ZC3HAV1: variants seen among roughly 807,000 people sequenced by gnomAD.
ZC3HAV1 encodes the protein zinc finger CCCH-type containing, antiviral 1.
ZC3HAV1 carries 41 observed loss-of-function variants against 86.6 expected under a neutral mutation model. That is an observed-to-expected ratio of 0.47 (90% CI 0.37 to 0.61). The LOEUF is 0.61. Among genes scored for constraint, ZC3HAV1 ranks in the 20% least tolerant of loss-of-function variants. The probability of loss-of-function intolerance (pLI) is 0.00; values close to 1 mark genes in which losing one functional copy is unlikely to be tolerated. For missense variants in ZC3HAV1, 964 were observed against 1,141.1 expected (o/e 0.84, Z 2.24); for synonymous variants, 421 against 432.1 (o/e 0.97, Z 0.32).
chr7:139,083,625 G>A (rs954092197), intron 3 of ZC3HAV1, among the ~76,000 whole-genome samples, 155 bp downstream of exon 3: 2 of 151,528 alleles, frequency 1.3e-5, no homozygotes, highest in African/African-American at 2.4e-5. Flanking sequence ...TACTCGGGAG[G>A]CTGAGGCAGG....
chr7:139,081,544 A>T (rs1817128951), intron 3 of ZC3HAV1, among the ~76,000 whole-genome samples: 1 of 152,174 alleles, frequency 6.6e-6, no homozygotes, highest in South Asian at 2.1e-4. Context: ...AAAGCATTAG[A>T]TATGGGATCA....
Position 139,057,228 on chromosome 7 carries a change from C to T in ZC3HAV1, c.2097-1933G>A, listed in dbSNP as rs1045896633. Among the ~76,000 whole-genome samples the T allele has an allele frequency of 3.9e-5, 6 of 152,004 alleles. No homozygotes were observed. The South Asian group carries it at 1.2e-3, about 32-fold the overall frequency. ...TTTAAATTATCCAGGTGTGGTGGTG[C>T]ACGGCTGTAGTTGCAGCTACTCAGG... On this transcript the variant is annotated intron_variant, in intron 9 of 12. Coordinates refer to ENST00000242351, the MANE Select transcript of ZC3HAV1 (RefSeq NM_020119.4).
intron 4 of ZC3HAV1, chr7:139,079,193 G>A (rs1277645721): frequency 1.3e-6 from 2 of 1,536,294 alleles, no homozygotes; most frequent in Non-Finnish European, 1.7e-6. Context: ...CCCCCAGACT[G>A]CAGCTCTGTT....
intron 7 of ZC3HAV1, among the ~76,000 whole-genome samples, chr7:139,066,954 A>G (rs1816623031): frequency 6.6e-6 from 1 of 152,134 alleles, no homozygotes. Context: ...GTTGGGGATG[A>G]TTTAGATTCC....
chr7:139,092,268 A>G (rs1817458844), intron 1 of ZC3HAV1, among the ~76,000 whole-genome samples: 1 of 152,172 alleles, frequency 6.6e-6, no homozygotes, highest in South Asian at 2.1e-4. Flanking sequence ...GCACAAGTTA[A>G]GTCCTTGAAG....
At chr7:139,084,500 T>C (rs1817222190) in intron 2 of ZC3HAV1, among the ~76,000 whole-genome samples, 1 of 152,220 alleles carries the variant, frequency 6.6e-6, no homozygotes, top group African/African-American at 2.4e-5. Context: ...TCCATCTAAA[T>C]AGATACATGT....
Position 139,073,408 on chromosome 7 carries a change from A to G in ZC3HAV1, c.1872+448T>C, listed in dbSNP as rs568019891. On this transcript the variant is annotated intron_variant, in intron 7 of 12. Coordinates refer to ENST00000242351, the MANE Select transcript of ZC3HAV1 (RefSeq NM_020119.4). ...AATTGAATATAGCTGTGTACAAAGT[A>G]AAAAAATACCACTTCCTCTACCACA... 9.2e-5 allele frequency among the ~76,000 whole-genome samples: 14 copies of G among 152,280 alleles called. No individual in the cohort carries two copies. In the South Asian group the frequency reaches 2.9e-3, roughly 32 times the overall value.
chr7:139,109,198 C>G lies in ZC3HAV1; in HGVS notation c.134G>C (p.Gly45Ala). ...CTCCAACACCACAAAGCGGTCGGGCCCGGCCACCTGCAGCACCTCACAGAG... is the reference window on the plus strand; with the variant it reads ...CTCCAACACCACAAAGCGGTCGGGCGCGGCCACCTGCAGCACCTCACAGAG... ...PQLCEVLQVAGPDRFVVLETG... is the reference protein window; with the variant it reads ...PQLCEVLQVAAPDRFVVLETG... The change falls in exon 1 of 13, where the codon GGG (glycine) becomes GCG (alanine). Residue 45 changes from glycine (G) to alanine (A), a missense_variant. By Grantham distance (60) the Gly-to-Ala change is moderately conservative (BLOSUM62 0). Coordinates refer to ENST00000242351, the MANE Select transcript of ZC3HAV1 (RefSeq NM_020119.4). The G allele has an allele frequency of 3.1e-6, 5 of 1,607,420 alleles. No homozygotes were observed. The highest frequency in any genetic ancestry group is 4.2e-6 in the Non-Finnish European group (5 of 1,177,196).
intron 2 of ZC3HAV1, among the ~76,000 whole-genome samples, chr7:139,086,259 C>T (rs1053439698): frequency 3.3e-5 from 5 of 152,308 alleles, no homozygotes; most frequent in Admixed American, 6.5e-5. Context: ...CTAACTCATG[C>T]TAACTCCAGA....
chr7:139,068,830 T>G (rs1331318076), intron 7 of ZC3HAV1, among the ~76,000 whole-genome samples: 1 of 152,120 alleles, frequency 6.6e-6, no homozygotes, highest in East Asian at 1.9e-4. Context: ...AGGCACTGCT[T>G]GATGTGATGT....
rs1481217088 is a variant in ZC3HAV1, at chr7:139,046,067, C to A, written c.*1527G>T. ...TGCTAAAAGAAATTATAACAGGAAA[C>A]TTTGGTGACTGGTAAGGAATGTTGA... On this transcript the variant is annotated 3_prime_UTR_variant, in exon 13 of 13. Coordinates refer to ENST00000242351, the MANE Select transcript of ZC3HAV1 (RefSeq NM_020119.4). 3 of 151,786 alleles carry A rather than the reference C, an allele frequency of 2.0e-5. No homozygotes were observed. Among genetic ancestry groups the A allele is most frequent in the Non-Finnish European group, 4.4e-5 (3 of 67,968 alleles). The allele number at this position is 151,786 out of a possible 1,614,324, so 9.4% of individuals were successfully genotyped here.
Position 139,108,992 on chromosome 7 carries a change from C to G in ZC3HAV1, c.308+32G>C. On this transcript the variant is annotated intron_variant, in intron 1 of 12. Transcript: ENST00000242351. This position sits in a 1 kb window ranked among gnomAD's most constrained non-coding sequence, Gnocchi z 4.2. ...GGACAGTCCACCCCGACCACGGCTG[C>G]GGACAGCGCCCCTCCCTCCGGGTGC... The G allele has an allele frequency of 6.6e-7, 1 of 1,512,076 alleles. No individual in the cohort carries two copies. Among genetic ancestry groups the G allele is most frequent in the Non-Finnish European group, 8.9e-7 (1 of 1,121,202 alleles). The allele number at this position is 1,512,076 out of a possible 1,614,324, so 93.7% of individuals were successfully genotyped here. A position where few individuals can be genotyped will look rare whatever the true frequency, so the allele number is the denominator to read the frequency against.
rs1198035509 is a variant in ZC3HAV1 at position 139,045,475 on chromosome 7, C to T, written c.*2119G>A. 6.6e-6 allele frequency: 1 copy of T among 152,140 alleles called. No homozygotes were observed. The highest frequency in any genetic ancestry group is 1.5e-5 in the Non-Finnish European group (1 of 68,024). 9.4% of individuals were successfully genotyped at this position (152,140 alleles called of 1,614,324 possible). On this transcript the variant is annotated 3_prime_UTR_variant, in exon 13 of 13. Transcript: ENST00000242351. ...TAACCTTCTTGCTCTGAAGAAAACA[C>T]AGCAAACAACTTAGAAGGGAACAGA...
At position 139,044,513 on chromosome 7, in the gene ZC3HAV1, G is replaced by A. The variant is rs942616863; in HGVS notation, c.*3081C>T. 6.6e-6 allele frequency: 1 copy of A among 152,138 alleles called. No homozygotes were observed. The highest frequency in any genetic ancestry group is 6.6e-5 in the Admixed American group (1 of 15,266). 9.4% of individuals were successfully genotyped at this position (152,138 alleles called of 1,614,324 possible). On this transcript the variant is annotated 3_prime_UTR_variant, in exon 13 of 13. Transcript: ENST00000242351. ...ATTGATTTTTTTAAGAAATTCATGTGTGTAAGTAGATTGTATTATCTATGA... is the reference window on the plus strand; with the variant it reads ...ATTGATTTTTTTAAGAAATTCATGTATGTAAGTAGATTGTATTATCTATGA...
intron 9 of ZC3HAV1, among the ~76,000 whole-genome samples, chr7:139,059,288 A>G (rs990869124): frequency 6.6e-6 from 1 of 152,156 alleles, no homozygotes; most frequent in Non-Finnish European, 1.5e-5. Flanking sequence ...TAAACCCTGA[A>G]ATATTCTTTT....
chr7:139,076,407 T>G lies in ZC3HAV1; in HGVS notation c.1576A>C (p.Ser526Arg), dbSNP rs1372566338. 1 of 1,614,070 alleles carries G rather than the reference T, an allele frequency of 6.2e-7. No individual in the cohort carries two copies. Among genetic ancestry groups the G allele is most frequent in the Non-Finnish European group, 8.5e-7 (1 of 1,179,984 alleles). Reference protein sequence around the residue: ...HLCKGCPLNGSCSKVHFHLPY... With the variant: ...HLCKGCPLNGRCSKVHFHLPY... ...AGATGGAAGTGGACTTTGCTGCAGC[T>G]ACCTACAAAGACAAAGAAGGGGTCT... Residue 526 changes from serine (S) to arginine (R), a missense_variant and splice_region_variant, in exon 6 of 13, where the codon AGC (serine) becomes CGC (arginine). Ser to Arg is a moderately radical substitution (Grantham distance 110). Coordinates refer to ENST00000242351, the MANE Select transcript of ZC3HAV1 (RefSeq NM_020119.4).
Position 139,073,916 on chromosome 7 carries a change from G to A in ZC3HAV1, c.1812C>T (p.Thr604=). The change falls in exon 7 of 13, where the codon ACC becomes ACT. Residue 604 remains threonine, a synonymous_variant. Transcript: ENST00000242351. ...SVTKPANSVF[T]TKWIWYWKNE... ...TCTTCCAATACCAAATCCATTTGGT[G>A]GTGAAGACAGAATTGGCTGGCTTGG... 6.2e-7 allele frequency: 1 copy of A among 1,614,010 alleles called. No individual in the cohort carries two copies. The highest frequency in any genetic ancestry group is 8.5e-7 in the Non-Finnish European group (1 of 1,179,902).
chr7:139,101,148 A>C (rs1817748031), intron 1 of ZC3HAV1, among the ~76,000 whole-genome samples: 1 of 152,036 alleles, frequency 6.6e-6, no homozygotes, highest in African/African-American at 2.4e-5. Flanking sequence ...CTCAGTGCTC[A>C]ATCTTGCCCA....
At chr7:139,069,778 A>T (rs1206937944) in intron 7 of ZC3HAV1, among the ~76,000 whole-genome samples, 1 of 151,846 alleles carries the variant, frequency 6.6e-6, no homozygotes, top group Non-Finnish European at 1.5e-5. Context: ...AGAAGTTTCT[A>T]CTCCTCACGT....
Sources: gnomAD v4.1 joint callset for allele counts (sites outside exome capture counted in the v4.1 genomes callset) on GRCh38, gnomAD v4.1.1 for gene constraint, Gnocchi (gnomAD v3.1) non-coding constraint, MANE v1.5 for transcripts, NCBI Gene and HGNC (gene_info 2026-07-23, HGNC 2026-07-21) for gene names.